Variants in DHX9 observed in about 807,000 individuals in gnomAD.
DHX9 encodes DExH-box helicase 9, also known as ATP-dependent RNA helicase A.
DHX9 carries 27 observed loss-of-function variants against 148.7 expected under a neutral mutation model. That is an observed-to-expected ratio of 0.18 (90% CI 0.13 to 0.25). The LOEUF is 0.25. Ranked by LOEUF, DHX9 falls within the 10% of genes least tolerant of loss-of-function variation. The pLI, the probability that DHX9 is intolerant of heterozygous loss-of-function variation, is 1.00. For synonymous variants in DHX9, 529 were observed against 516.6 expected (o/e 1.02, Z -0.33); for missense variants, 796 against 1,559.6 (o/e 0.51, Z 8.25).
chr1:182,854,460 C>G (rs1668218784), intron 6 of DHX9, among the ~76,000 whole-genome samples: 2 of 152,164 alleles, frequency 1.3e-5, no homozygotes, highest in South Asian at 4.1e-4. Flanking sequence ...AAAGTCATGA[C>G]CACAATTGCT....
At position 182,868,159 on chromosome 1, in the gene DHX9, A is replaced by G. The variant is rs1218890923; in HGVS notation, c.1557+1116A>G. 2.0e-5 allele frequency among the ~76,000 whole-genome samples: 3 copies of G among 152,222 alleles called. No homozygotes were observed. The East Asian group carries it at 5.8e-4, about 29-fold the overall frequency. ...ACCAAAATATATATTTCATAATATC[A>G]TAAGTCATAAAATTGAATAGTACTC... On this transcript the variant is annotated intron_variant, in intron 14 of 27. Transcript: ENST00000367549.
At position 182,839,391 on chromosome 1, in the gene DHX9, G is replaced by T. The variant is rs1011832208; in HGVS notation, c.-88G>T. The stretch of plus-strand genomic sequence containing the variant: ...CATGCGAGTTGCTGTGCGTTTCTCT[G>T]TTGTCTCGGTAGAAGGCCAGAGTCA... On this transcript the variant is annotated 5_prime_UTR_variant, in exon 1 of 28. Coordinates refer to ENST00000367549, the MANE Select transcript of DHX9 (RefSeq NM_001357.5). 8 of 152,318 alleles carry T rather than the reference G, an allele frequency of 5.3e-5. No homozygotes were observed. The highest frequency in any genetic ancestry group is 1.7e-4 in the African/African-American group (7 of 41,452). 9.4% of individuals were successfully genotyped at this position (152,318 alleles called of 1,614,324 possible). A position where few individuals can be genotyped will look rare whatever the true frequency, so the allele number is the denominator to read the frequency against.
In DHX9 at chr1:182,884,604, C is replaced by G; in HGVS notation, c.3261-9C>G. The G allele has an allele frequency of 6.2e-7, 1 of 1,613,146 alleles. No homozygotes were observed. Among genetic ancestry groups the G allele is most frequent in the Non-Finnish European group, 8.5e-7 (1 of 1,179,468 alleles). On this transcript the variant is annotated splice_polypyrimidine_tract_variant and intron_variant, in intron 26 of 27. Transcript: ENST00000367549. ...CCTCTCTTATTTTTAATGTATTTCG[C>G]CACTTTAGGATTAAACTGCAAATAT... is the stretch of plus-strand genomic sequence containing the variant.
chr1:182,866,012 T>C lies in DHX9; in HGVS notation c.1333-432T>C, dbSNP rs145467771. 6.6e-3 allele frequency among the ~76,000 whole-genome samples: 1,006 copies of C among 152,308 alleles called. 8 individuals are homozygous for C. The highest frequency in any genetic ancestry group is 9.7e-3 in the Non-Finnish European group (657 of 68,016). ...ACCTGATGCAAAAGTGCATTGAATG[T>C]TTGATTACTGAATTAATAAGTGAGC... On this transcript the variant is annotated intron_variant, in intron 12 of 27. Coordinates refer to ENST00000367549, the MANE Select transcript of DHX9 (RefSeq NM_001357.5).
chr1:182,858,529 A>G (rs764399427), intron 8 of DHX9, 22 bp from the exon 9 acceptor site: 6 of 1,584,434 alleles, frequency 3.8e-6, no homozygotes, highest in Non-Finnish European at 5.2e-6. Context: ...AGTGTTGTTA[A>G]TGTGTGATCC....
At chr1:182,840,653 T>A (rs531650588) in intron 1 of DHX9, among the ~76,000 whole-genome samples, 1 of 152,346 alleles carries the variant, frequency 6.6e-6, no homozygotes, top group South Asian at 2.1e-4. Context: ...ATATTCTTTG[T>A]CTCAGTTTCC....
chr1:182,882,288 C>A (rs1211683072), intron 24 of DHX9, among the ~76,000 whole-genome samples: 1 of 152,154 alleles, frequency 6.6e-6, no homozygotes, highest in Non-Finnish European at 1.5e-5. Context: ...TATAAATTGT[C>A]TTTAATTCAT....
At chr1:182,852,969 C>T (rs1224063180) in intron 4 of DHX9, among the ~76,000 whole-genome samples, 1 of 97,520 alleles carries the variant, frequency 1.0e-5, no homozygotes, top group African/African-American at 1.1e-4. Flanking sequence ...CTCTGTCACC[C>T]AGACTGGAGT....
chr1:182,850,511 C>CT (rs1267667771), intron 3 of DHX9, among the ~76,000 whole-genome samples: 2 of 151,274 alleles, frequency 1.3e-5, no homozygotes, highest in African/African-American at 4.9e-5. Flanking sequence ...GGGAGGATCA[C>CT]TTGAGCCCAA....
intron 16 of DHX9, 91 bp from the exon 17 acceptor site, chr1:182,875,959 A>T: frequency 1.1e-6 from 1 of 940,180 alleles, no homozygotes; most frequent in Non-Finnish European, 1.6e-6. Context: ...TAATGACATT[A>T]CAAGTAATTA....
At chr1:182,841,127 T>G (rs1199068692) in intron 1 of DHX9, among the ~76,000 whole-genome samples, 4 of 151,984 alleles carry the variant, frequency 2.6e-5, no homozygotes, top group African/African-American at 4.8e-5. Flanking sequence ...CCGTGTCTAC[T>G]AAAAATACAA....
chr1:182,856,960 C>T (rs1668262607), intron 7 of DHX9, among the ~76,000 whole-genome samples: 1 of 152,160 alleles, frequency 6.6e-6, no homozygotes, highest in Admixed American at 6.5e-5. Flanking sequence ...CGCCATTCTC[C>T]TGCCTCAGCC....
chr1:182,849,535 G>T (rs1668093656), intron 3 of DHX9, among the ~76,000 whole-genome samples: 1 of 152,150 alleles, frequency 6.6e-6, no homozygotes, highest in South Asian at 2.1e-4. Flanking sequence ...CTTGAAGGAG[G>T]TGTGTTGATG....
At position 182,849,270 on chromosome 1, in the gene DHX9, T is replaced by C. The variant is rs915055273; in HGVS notation, c.253-2963T>C. Among the ~76,000 whole-genome samples, 12 of 152,342 alleles carry C rather than the reference T, an allele frequency of 7.9e-5. No homozygotes were observed. In the East Asian group the frequency reaches 2.1e-3, roughly 27 times the overall value. On this transcript the variant is annotated intron_variant, in intron 3 of 27. Transcript: ENST00000367549. ...AAAAGAATAATATAGTGAAACTCCATGTTTCCGTCATCTGGCTGCAACACT... is the reference window on the plus strand; with the variant it reads ...AAAAGAATAATATAGTGAAACTCCACGTTTCCGTCATCTGGCTGCAACACT...
At chr1:182,840,921 G>A (rs1486563164) in intron 1 of DHX9, among the ~76,000 whole-genome samples, 3 of 152,100 alleles carry the variant, frequency 2.0e-5, no homozygotes, top group Non-Finnish European at 4.4e-5. Context: ...TTAAAATTCT[G>A]TTTTGACTGA....
At chr1:182,848,813 G>A (rs1668077792) in intron 3 of DHX9, among the ~76,000 whole-genome samples, 1 of 151,786 alleles carries the variant, frequency 6.6e-6, no homozygotes, top group Non-Finnish European at 1.5e-5. Flanking sequence ...TTAGAATGAT[G>A]GCAGAAGGTG....
At position 182,874,312 on chromosome 1, in the gene DHX9, A is replaced by G. The variant is rs115559523; in HGVS notation, c.1715-542A>G. On this transcript the variant is annotated intron_variant, in intron 15 of 27. Coordinates refer to ENST00000367549, the MANE Select transcript of DHX9 (RefSeq NM_001357.5). ...GAGGAGTAAGTCATATTGATAGGAT[A>G]TGCCCTTAATATGATGTGATGAGAC... Among the ~76,000 whole-genome samples the G allele has an allele frequency of 4.5e-3, 686 of 152,320 alleles. 7 individuals carry two copies. Among genetic ancestry groups the G allele is most frequent in the African/African-American group, 0.016 (658 of 41,576 alleles).
Position 182,859,088 on chromosome 1 carries a change from C to G in DHX9, c.1111C>G (p.Gln371Glu). The change falls in exon 11 of 28, where the codon CAG becomes GAG. Residue 371 changes from glutamine (Q) to glutamate (E), a missense_variant. Physicochemically the swap from Gln to Glu is conservative, Grantham distance 29 (BLOSUM62 2). This residue lies in a region of DHX9 where 42 missense variants were observed against 27.1 expected (regional missense o/e 1.55). Coordinates refer to ENST00000367549, the MANE Select transcript of DHX9 (RefSeq NM_001357.5). ...GGACCTCAAGAATGAATTGATGTAC[C>G]AGTTGGAACAGGATCATGATTTGCA... ...SMDLKNELMY[Q>E]LEQDHDLQAI... The G allele has an allele frequency of 1.9e-6, 3 of 1,614,000 alleles. No individual in the cohort carries two copies. The highest frequency in any genetic ancestry group is 1.1e-5 in the South Asian group (1 of 91,032).
At chr1:182,867,125 T>C in intron 14 of DHX9, 82 bp downstream of exon 14, 1 of 846,370 alleles carries the variant, frequency 1.2e-6, no homozygotes, top group Middle Eastern at 4.0e-4. Flanking sequence ...GTTTTCCCTT[T>C]CCCCCGTTTT....
Sources: gnomAD v4.1 joint callset for allele counts (sites outside exome capture counted in the v4.1 genomes callset) on GRCh38, gnomAD v4.1.1 for gene constraint, gnomAD v4.1.1 regional missense constraint, MANE v1.5 for transcripts, NCBI Gene and HGNC (gene_info 2026-07-23, HGNC 2026-07-21) for gene names.